Variants in STK3 observed in about 807,000 individuals in gnomAD.
STK3 encodes the protein serine/threonine kinase 3.
STK3 carries 41 observed loss-of-function variants against 58.0 expected under a neutral mutation model. That is an observed-to-expected ratio of 0.71 (90% CI 0.55 to 0.92). The LOEUF (loss-of-function observed/expected upper bound fraction) is 0.92, where lower values mean the gene tolerates loss of function less well. Among genes scored for constraint, STK3 ranks in the 40% least tolerant of loss-of-function variants. The probability of loss-of-function intolerance (pLI) is 0.00; values close to 1 mark genes in which losing one functional copy is unlikely to be tolerated. For missense variants in STK3, 479 were observed against 602.7 expected, an observed-to-expected ratio of 0.79 and a Z score of 2.15; for synonymous variants, 170 against 191.0, an observed-to-expected ratio of 0.89 and a Z score of 0.91.
chr8:98,466,886 C>A (rs1251872014), intron 10 of STK3, among the ~76,000 whole-genome samples: 1 of 152,082 alleles, frequency 6.6e-6, no homozygotes, highest in Non-Finnish European at 1.5e-5. Context: ...CATGGAAGTT[C>A]TCTACACTCT....
intron 4 of STK3, among the ~76,000 whole-genome samples, chr8:98,730,265 T>A (rs1229473137): frequency 6.6e-6 from 1 of 152,194 alleles, no homozygotes; most frequent in East Asian, 1.9e-4. Flanking sequence ...CAAGAAAATA[T>A]ACAAATCATT....
intron 10 of STK3, among the ~76,000 whole-genome samples, chr8:98,510,197 T>C (rs1356254139): frequency 6.6e-6 from 1 of 152,072 alleles, no homozygotes; most frequent in African/African-American, 2.4e-5. Context: ...CTAGAGACAA[T>C]AGATGCCCCT....
chr8:98,435,523 G>A (rs1818454724), intron 2 of STK3, among the ~76,000 whole-genome samples: 1 of 151,674 alleles, frequency 6.6e-6, no homozygotes, highest in Admixed American at 6.6e-5. Context: ...ACAGGTGGCT[G>A]ATTTGAGGTC....
chr8:98,546,749 G>A (rs1810732085), intron 9 of STK3, among the ~76,000 whole-genome samples: 1 of 152,040 alleles, frequency 6.6e-6, no homozygotes, highest in Admixed American at 6.6e-5. Context: ...CAAGATGTAG[G>A]CTGCTTTCCA....
chr8:98,811,345 C>A (rs1036796027), intron 1 of STK3, among the ~76,000 whole-genome samples: 5 of 152,132 alleles, frequency 3.3e-5, no homozygotes, highest in African/African-American at 1.2e-4. Flanking sequence ...GACCACACTG[C>A]TGGTAGCTGT....
At chr8:98,391,410 A>G (rs1817847837), upstream of STK3, 1 of 152,238 alleles carries the variant, frequency 6.6e-6, no homozygotes. Flanking sequence ...TGTGCAGCTC[A>G]GGGATGAGAC....
intron 4 of STK3, among the ~76,000 whole-genome samples, chr8:98,721,548 C>A (rs1403810440): frequency 1.3e-5 from 2 of 151,054 alleles, no homozygotes; most frequent in Non-Finnish European, 2.9e-5. Flanking sequence ...ATAGTCATAG[C>A]AAGATATTAA....
intron 1 of STK3, among the ~76,000 whole-genome samples, chr8:98,909,342 A>T (rs985320684): frequency 1.3e-5 from 2 of 152,170 alleles, no homozygotes; most frequent in Non-Finnish European, 2.9e-5. Flanking sequence ...CAGATGTTGA[A>T]TTTTTGAGAT....
chr8:98,400,186 G>A (rs1011819114), downstream of STK3, among the ~76,000 whole-genome samples: 5 of 152,136 alleles, frequency 3.3e-5, no homozygotes, highest in African/African-American at 1.2e-4. Context: ...CCCCAGAGGG[G>A]GAGCCAGTTC....
chr8:98,456,136 T>C, intron 10 of STK3, 136 bp from the exon 11 acceptor site: 1 of 929,080 alleles, frequency 1.1e-6, no homozygotes, highest in South Asian at 1.9e-5. Context: ...ATCTTTGAAG[T>C]ATAGTTCAAC....
intron 3 of STK3, among the ~76,000 whole-genome samples, chr8:98,869,175 C>T (rs1837269452): frequency 6.6e-6 from 1 of 151,594 alleles, no homozygotes; most frequent in African/African-American, 2.4e-5. Flanking sequence ...AGTCCCAGCA[C>T]TTTAGGAGGC....
chr8:98,654,917 G>A (rs574652832), intron 6 of STK3, among the ~76,000 whole-genome samples: 6 of 151,746 alleles, frequency 4.0e-5, no homozygotes, highest in South Asian at 4.2e-4. Flanking sequence ...GCCCAAGGTA[G>A]TTTATAGATT....
At chr8:98,805,603 T>TAAC (rs1833847411) in intron 1 of STK3, among the ~76,000 whole-genome samples, 5 of 151,726 alleles carry the variant, frequency 3.3e-5, no homozygotes, top group South Asian at 2.1e-4. Flanking sequence ...ATAATAATAA[T>TAAC]AACTGTAATA....
intron 10 of STK3, among the ~76,000 whole-genome samples, chr8:98,502,241 T>C (rs1298317563): frequency 1.3e-5 from 2 of 152,212 alleles, no homozygotes; most frequent in African/African-American, 4.8e-5. Flanking sequence ...CTTGTGATTT[T>C]TGCACATTGA....
At chr8:98,614,337 T>G (rs546790991) in intron 6 of STK3, among the ~76,000 whole-genome samples, 6 of 152,042 alleles carry the variant, frequency 3.9e-5, no homozygotes, top group Admixed American at 1.3e-4. Flanking sequence ...CCAAGCACAA[T>G]GGAATCACAT....
intron 3 of STK3, among the ~76,000 whole-genome samples, chr8:98,424,581 A>T (rs1818207592): frequency 6.6e-6 from 1 of 152,180 alleles, no homozygotes; most frequent in Non-Finnish European, 1.5e-5. Flanking sequence ...GGAAGAAACA[A>T]AGAAAAACAG....
intron 3 of STK3, among the ~76,000 whole-genome samples, chr8:98,410,976 A>T (rs1184735535): frequency 1.3e-5 from 2 of 152,196 alleles, no homozygotes; most frequent in African/African-American, 4.8e-5. Context: ...TATTGCAATG[A>T]ATTATGTACT....
intron 1 of STK3, among the ~76,000 whole-genome samples, chr8:98,935,911 GT>G (rs1840175957): frequency 1.3e-5 from 2 of 151,314 alleles, no homozygotes; most frequent in East Asian, 3.9e-4. Context: ...ATTTATTTTT[GT>G]TTTTATTTAT....
At chr8:98,782,711 T>TA (rs376476007) in intron 1 of STK3, 384 of 116,870 alleles carry the variant, frequency 3.3e-3, no homozygotes, top group East Asian at 0.019. Flanking sequence ...CTTTATCTGC[T>TA]AAAAAAAAAA....
Sources: gnomAD v4.1 joint callset for allele counts (sites outside exome capture counted in the v4.1 genomes callset) on GRCh38, gnomAD v4.1.1 for gene constraint, MANE v1.5 for transcripts, NCBI Gene and HGNC (gene_info 2026-07-23, HGNC 2026-07-21) for gene names.